Variants in TXNDC11 observed in about 807,000 individuals in gnomAD.
TXNDC11 encodes thioredoxin domain-containing protein 11.
TXNDC11 carries 68 observed loss-of-function variants against 78.0 expected under a neutral mutation model. That is an observed-to-expected ratio of 0.87 (90% CI 0.72 to 1.07). The LOEUF is 1.07. Ranked by LOEUF, TXNDC11 falls within the 50% of genes least tolerant of loss-of-function variation. The probability of loss-of-function intolerance (pLI) is 0.00; values close to 1 mark genes in which losing one functional copy is unlikely to be tolerated. For synonymous variants in TXNDC11, 571 were observed against 495.2 expected, an observed-to-expected ratio of 1.15 and a Z score of -2.03; for missense variants, 1,389 against 1,221.8, an observed-to-expected ratio of 1.14 and a Z score of -2.04.
intron 3 of TXNDC11, 21 bp from the exon 4 acceptor site, chr16:11,730,795 T>A (rs1414362377): frequency 6.7e-7 from 1 of 1,495,112 alleles, no homozygotes; most frequent in Non-Finnish European, 9.0e-7. Context: ...AAAATAAAAA[T>A]AAAAATAAAA....
intron 1 of TXNDC11, among the ~76,000 whole-genome samples, chr16:11,740,546 T>C (rs749822023): frequency 6.6e-6 from 1 of 152,364 alleles, no homozygotes; most frequent in East Asian, 1.9e-4. Flanking sequence ...AACAAACCGA[T>C]GTAAATAAAC....
chr16:11,698,393 G>C (rs2050918137), intron 6 of TXNDC11, 68 bp from the exon 7 acceptor site: 2 of 1,432,452 alleles, frequency 1.4e-6, no homozygotes, highest in East Asian at 4.6e-5. Context: ...AGGCACATCA[G>C]TGCTGTTCCA....
At chr16:11,709,287 T>C (rs1271213657) in intron 5 of TXNDC11, among the ~76,000 whole-genome samples, 1 of 143,204 alleles carries the variant, frequency 7.0e-6, no homozygotes, top group East Asian at 2.0e-4. Context: ...AGTCTCGCAC[T>C]GTCGCCCAGG....
intron 1 of TXNDC11, among the ~76,000 whole-genome samples, chr16:11,736,880 G>A (rs925462524): frequency 6.6e-5 from 10 of 152,218 alleles, no homozygotes; most frequent in East Asian, 3.9e-4. Context: ...ACAAGAAACA[G>A]ATCAGGAGGA....
chr16:11,683,734 T>A (rs918853686), intron 11 of TXNDC11, among the ~76,000 whole-genome samples: 1 of 150,564 alleles, frequency 6.6e-6, no homozygotes, highest in African/African-American at 2.4e-5. Context: ...AACCCTTTTA[T>A]GTCCCTAAGG....
Position 11,691,865 on chromosome 16 carries a change from C to T in TXNDC11, c.1325G>A (p.Cys442Tyr). Residue 442 changes from cysteine to tyrosine, a missense_variant, in exon 8 of 12, where the codon TGT becomes TAT. Cys to Tyr is a radical substitution (Grantham distance 194). Coordinates refer to ENST00000283033, the MANE Select transcript of TXNDC11 (RefSeq NM_015914.7). The stretch of plus-strand genomic sequence containing the variant: ...GGAGGTCTGGTTGACACAGAGTTCA[C>T]AGACGTTGTGGGTCCTGGAGAAGGA... ...WHSFSRTHNV[C>Y]ELCVNQTSGG... The T allele has an allele frequency of 1.9e-6, 3 of 1,614,262 alleles. No individual in the cohort carries two copies. Among genetic ancestry groups the T allele is most frequent in the Non-Finnish European group, 1.7e-6 (2 of 1,180,034 alleles).
chr16:11,709,395 C>T (rs2051272808), intron 5 of TXNDC11, among the ~76,000 whole-genome samples: 1 of 148,684 alleles, frequency 6.7e-6, no homozygotes, highest in African/African-American at 2.5e-5. Flanking sequence ...TGAGATTACA[C>T]CACCACCATG....
intron 1 of TXNDC11, among the ~76,000 whole-genome samples, chr16:11,738,745 T>A (rs1462556398): frequency 6.6e-6 from 1 of 152,018 alleles, no homozygotes; most frequent in Non-Finnish European, 1.5e-5. Context: ...AAACTGCACA[T>A]GGCCAAGAGT....
intron 3 of TXNDC11, among the ~76,000 whole-genome samples, chr16:11,733,310 C>G (rs1597494571): frequency 6.6e-6 from 1 of 151,938 alleles, no homozygotes; most frequent in Admixed American, 6.6e-5. Context: ...TTTTTCAGCC[C>G]TCTTTGTGAC....
chr16:11,700,475 G>T lies in TXNDC11; in HGVS notation c.883C>A (p.His295Asn). 1.3e-6 allele frequency: 2 copies of T among 1,563,388 alleles called. No individual in the cohort carries two copies. Among genetic ancestry groups the T allele is most frequent in the Non-Finnish European group, 1.8e-6 (2 of 1,136,044 alleles). The change falls in exon 6 of 12, where the codon CAT becomes AAT. Residue 295 changes from histidine (H) to asparagine (N), a missense_variant. Transcript: ENST00000283033. ...SLVHSGSVYL[H>N]RHFNTSLVFP... ...ACAAGTGATGTGTTGAAATGTCTAT[G>T]TAAATACACACTTCCAGAGTGTACT...
chr16:11,724,556 G>C (rs1167746783), intron 4 of TXNDC11, among the ~76,000 whole-genome samples: 1 of 152,052 alleles, frequency 6.6e-6, no homozygotes, highest in Non-Finnish European at 1.5e-5. Context: ...CTGACCTCAG[G>C]AGTTCCAAAC....
chr16:11,692,733 A>G (rs916122920), intron 7 of TXNDC11, among the ~76,000 whole-genome samples: 2 of 152,156 alleles, frequency 1.3e-5, no homozygotes, highest in East Asian at 3.9e-4. Flanking sequence ...TGGTTACTAT[A>G]TTTTTAAAAA....
chr16:11,708,220 A>G (rs2051240007), intron 5 of TXNDC11, among the ~76,000 whole-genome samples: 1 of 152,264 alleles, frequency 6.6e-6, no homozygotes, highest in Non-Finnish European at 1.5e-5. Flanking sequence ...CTGAGATGAT[A>G]AATCCAGCAG....
chr16:11,730,560 T>C (rs1057064003), intron 4 of TXNDC11, 85 bp downstream of exon 4: 1 of 1,434,632 alleles, frequency 7.0e-7, no homozygotes, highest in African/African-American at 1.4e-5. Context: ...AGGAGGTATT[T>C]TTTTAAACCC....
At chr16:11,703,509 TACACACACACAC>T (rs34963301) in intron 5 of TXNDC11, among the ~76,000 whole-genome samples, 12 of 145,042 alleles carry the variant, frequency 8.3e-5, no homozygotes, top group South Asian at 2.2e-4. Flanking sequence ...AGGCTTTTGA[TACACACACACAC>T]ACACACACAC....
At chr16:11,685,613 C>T (rs1256602866) in intron 10 of TXNDC11, among the ~76,000 whole-genome samples, 1 of 151,626 alleles carries the variant, frequency 6.6e-6, no homozygotes, top group African/African-American at 2.4e-5. Context: ...TGCACCTCTG[C>T]ACTCCAGCCT....
intron 7 of TXNDC11, among the ~76,000 whole-genome samples, chr16:11,695,701 A>G (rs981865668): frequency 1.3e-5 from 2 of 152,144 alleles, no homozygotes; most frequent in African/African-American, 2.4e-5. Context: ...GTTCGTAATG[A>G]TAACGCACAG....
chr16:11,679,268 C>T lies in TXNDC11; in HGVS notation c.2804G>A (p.Gly935Asp), dbSNP rs1354944309. The T allele has an allele frequency of 1.2e-6, 2 of 1,613,090 alleles. No homozygotes were observed. The highest frequency in any genetic ancestry group is 1.7e-6 in the Non-Finnish European group (2 of 1,180,000). The change falls in exon 12 of 12, where the codon GGC becomes GAC. Residue 935 changes from glycine (G) to aspartate (D), a missense_variant. Physicochemically the swap from Gly to Asp is moderately conservative, Grantham distance 94. Transcript: ENST00000283033. The surrounding 1 kb of genome is among the most constrained non-coding windows in gnomAD (Gnocchi z 4.6). ...GACATTGGCAGGTGGAGGGGAGCTGCCAGGGAGCTGGGGGGTGGCTGAGGG... is the reference window on the plus strand; with the variant it reads ...GACATTGGCAGGTGGAGGGGAGCTGTCAGGGAGCTGGGGGGTGGCTGAGGG... ...PEPSATPQLP[G>D]SSPPPANVSA... is the part of the protein sequence containing the mutation.
intron 5 of TXNDC11, among the ~76,000 whole-genome samples, chr16:11,708,234 G>T (rs2051240352): frequency 2.0e-5 from 3 of 152,336 alleles, no homozygotes; most frequent in Non-Finnish European, 2.9e-5. Flanking sequence ...CCAGCAGCCA[G>T]CAAGTCTTAA....
Sources: allele counts gnomAD v4.1 joint callset (sites outside exome capture counted in the v4.1 genomes callset), GRCh38; gene constraint gnomAD v4.1.1; non-coding constraint Gnocchi (gnomAD v3.1); transcripts MANE v1.5; gene names NCBI Gene and HGNC (gene_info 2026-07-23, HGNC 2026-07-21).